GRID2: variants seen among roughly 807,000 people sequenced by gnomAD.
GRID2 encodes the protein glutamate receptor ionotropic, delta-2.
A neutral mutation model predicts 114.8 loss-of-function variants in GRID2; 33 were observed. The ratio of observed to expected loss-of-function variants is 0.29; its 90% CI spans 0.22 to 0.38. The LOEUF (loss-of-function observed/expected upper bound fraction) is 0.38, where lower values mean the gene tolerates loss of function less well. GRID2 is among the 10% of genes least tolerant of loss of function. The pLI is 1.00. For missense variants in GRID2, 1,184 were observed against 1,257.7 expected, an observed-to-expected ratio of 0.94 and a Z score of 0.89; for synonymous variants, 505 against 449.9, an observed-to-expected ratio of 1.12 and a Z score of -1.55.
chr4:92,451,583 A>T (rs1045013727), intron 1 of GRID2, among the ~76,000 whole-genome samples: 22 of 152,292 alleles, frequency 1.4e-4, no homozygotes, highest in Non-Finnish European at 2.8e-4. Context: ...AATATATAGA[A>T]TTTGATAAAC....
rs1296539090 is a variant in GRID2, at chr4:92,878,263, G to A, written c.245-206732G>A. 5.3e-5 allele frequency among the ~76,000 whole-genome samples: 8 copies of A among 152,134 alleles called. No homozygotes were observed. The East Asian group carries it at 9.7e-4, about 18-fold the overall frequency. On this transcript the variant is annotated intron_variant, in intron 2 of 15. Transcript: ENST00000282020. ...ATGTTTATTATTCAGTGTAGGAGGC[G>A]GTTTTACTCAGTCATCTTTCAAATA...
chr4:92,909,702 T>C (rs1748226077), intron 2 of GRID2, among the ~76,000 whole-genome samples: 1 of 152,160 alleles, frequency 6.6e-6, no homozygotes, highest in South Asian at 2.1e-4. Context: ...ATGTCTATAG[T>C]GATAACTTTA....
chr4:92,517,254 A>G (rs1724544483), intron 1 of GRID2, among the ~76,000 whole-genome samples: 1 of 149,744 alleles, frequency 6.7e-6, no homozygotes, highest in African/African-American at 2.4e-5. Context: ...AAAGTGAAAC[A>G]ACAGGAAAGA....
At chr4:93,457,191 A>T (rs1234054649) in intron 11 of GRID2, among the ~76,000 whole-genome samples, 3 of 152,140 alleles carry the variant, frequency 2.0e-5, no homozygotes, top group Non-Finnish European at 4.4e-5. Flanking sequence ...ATAAGCATAG[A>T]CTGTTAGGAG....
chr4:92,436,497 A>G (rs1003343546), intron 1 of GRID2, among the ~76,000 whole-genome samples: 1 of 151,960 alleles, frequency 6.6e-6, no homozygotes, highest in Non-Finnish European at 1.5e-5. Flanking sequence ...TACTATTTAA[A>G]TTTTCTCAGC....
At chr4:93,658,509 A>C (rs1005649503) in intron 14 of GRID2, among the ~76,000 whole-genome samples, 1 of 152,196 alleles carries the variant, frequency 6.6e-6, no homozygotes, top group South Asian at 2.1e-4. Context: ...AATAAAAAAA[A>C]CTGGAGATTA....
intron 9 of GRID2, among the ~76,000 whole-genome samples, chr4:93,413,329 G>T (rs541621343): frequency 6.6e-6 from 1 of 152,006 alleles, no homozygotes; most frequent in Admixed American, 6.6e-5. Context: ...GTTTTGATTC[G>T]CATTGCTCTA....
intron 4 of GRID2, among the ~76,000 whole-genome samples, chr4:93,137,706 T>A (rs982240769): frequency 6.6e-6 from 1 of 152,092 alleles, no homozygotes; most frequent in Non-Finnish European, 1.5e-5. Flanking sequence ...ATGAGTTTCA[T>A]CTCCATGAAA....
intron 2 of GRID2, among the ~76,000 whole-genome samples, chr4:92,701,149 C>A (rs899700536): frequency 6.6e-6 from 1 of 152,114 alleles, no homozygotes; most frequent in Non-Finnish European, 1.5e-5. Flanking sequence ...ACTTTCTCAT[C>A]TATGAAATGA....
rs76257329 is a variant in GRID2, at chr4:93,161,543, T to C, written c.736-45861T>C. The stretch of plus-strand genomic sequence containing the variant: ...TAGTTTTTAAATAATTAGCTGTACA[T>C]GGTAATTTATATTTTTAACAAACTT... On this transcript the variant is annotated intron_variant, in intron 4 of 15. Transcript: ENST00000282020. Among the ~76,000 whole-genome samples, 282 of 151,994 alleles carry C rather than the reference T, an allele frequency of 1.9e-3. 7 individuals are homozygous for C. In the East Asian group the frequency reaches 0.034, roughly 18 times the overall value.
chr4:92,807,974 A>G (rs992138935), intron 2 of GRID2, among the ~76,000 whole-genome samples: 1 of 152,014 alleles, frequency 6.6e-6, no homozygotes, highest in Non-Finnish European at 1.5e-5. Flanking sequence ...AAAGGACTTT[A>G]CGGATATAAT....
chr4:93,089,366 T>C (rs1730586423), intron 3 of GRID2, among the ~76,000 whole-genome samples: 1 of 152,156 alleles, frequency 6.6e-6, no homozygotes, highest in Admixed American at 6.6e-5. Context: ...ATTGAAAGCA[T>C]GGAAATGAGA....
intron 10 of GRID2, among the ~76,000 whole-genome samples, chr4:93,430,762 G>T (rs1769334376): frequency 6.6e-6 from 1 of 152,184 alleles, no homozygotes; most frequent in Non-Finnish European, 1.5e-5. Context: ...GAAGCACTAA[G>T]AAAGCAACAA....
chr4:92,863,886 G>T (rs1356079898), intron 2 of GRID2, among the ~76,000 whole-genome samples: 1 of 152,048 alleles, frequency 6.6e-6, no homozygotes, highest in Non-Finnish European at 1.5e-5. Flanking sequence ...GAGTGAAAAG[G>T]ATTCATCTCT....
At chr4:92,805,317 T>C (rs1740358175) in intron 2 of GRID2, among the ~76,000 whole-genome samples, 1 of 151,968 alleles carries the variant, frequency 6.6e-6, no homozygotes, top group Admixed American at 6.6e-5. Context: ...ATGGATTAAA[T>C]TGGGATTTCT....
chr4:92,701,755 T>C (rs1306433285), intron 2 of GRID2, among the ~76,000 whole-genome samples: 1 of 152,174 alleles, frequency 6.6e-6, no homozygotes, highest in Non-Finnish European at 1.5e-5. Flanking sequence ...AATTAGACTT[T>C]TGGCATATGA....
At chr4:92,609,932 G>T (rs367640093) in intron 2 of GRID2, among the ~76,000 whole-genome samples, 17 of 151,814 alleles carry the variant, frequency 1.1e-4, no homozygotes, top group African/African-American at 3.9e-4. Context: ...TATTGAAAAT[G>T]TATGTGGATT....
chr4:93,673,641 C>T (rs1418596961), intron 14 of GRID2, among the ~76,000 whole-genome samples: 2 of 152,166 alleles, frequency 1.3e-5, no homozygotes, highest in African/African-American at 2.4e-5. Flanking sequence ...ACAGATCTTT[C>T]CTTGTCCTAA....
chr4:92,553,693 C>T (rs574778199), intron 1 of GRID2, among the ~76,000 whole-genome samples: 3 of 151,772 alleles, frequency 2.0e-5, no homozygotes, highest in East Asian at 2.0e-4. Context: ...TCTCTGTCGC[C>T]CAGGCTGGAG....
Sources: allele counts gnomAD v4.1 joint callset (sites outside exome capture counted in the v4.1 genomes callset), GRCh38; gene constraint gnomAD v4.1.1; transcripts MANE v1.5; gene names NCBI Gene and HGNC (gene_info 2026-07-23, HGNC 2026-07-21).